GALNT18: variants seen among roughly 807,000 people sequenced by gnomAD.
GALNT18 encodes polypeptide N-acetylgalactosaminyltransferase 18.
Under a neutral mutation model 69.5 loss-of-function variants are expected in GALNT18, and 44 were observed. That is an observed-to-expected ratio of 0.63 (90% confidence interval 0.50 to 0.81). The LOEUF (loss-of-function observed/expected upper bound fraction) is 0.81, where lower values mean the gene tolerates loss of function less well. Among genes scored for constraint, GALNT18 ranks in the 40% least tolerant of loss-of-function variants. The pLI, the probability that GALNT18 is intolerant of heterozygous loss-of-function variation, is 0.00. For missense variants in GALNT18, 715 were observed against 810.0 expected (o/e 0.88, Z 1.42); for synonymous variants, 364 against 318.2 (o/e 1.14, Z -1.53).
At position 11,567,350 on chromosome 11, in the gene GALNT18, C is replaced by T. The variant is rs1034360778; in HGVS notation, c.235+54009G>A. 2.0e-5 allele frequency among the ~76,000 whole-genome samples: 3 copies of T among 152,156 alleles called. No individual in the cohort carries two copies. In the East Asian group the frequency reaches 5.8e-4, roughly 29 times the overall value. On this transcript the variant is annotated intron_variant, in intron 1 of 10. Coordinates refer to ENST00000227756, the MANE Select transcript of GALNT18 (RefSeq NM_198516.3). ...TCAATACCATCAAAAATACTAACACCTCCATTAAAGAAGGCATCCATTGAT... is the reference window on the plus strand; with the variant it reads ...TCAATACCATCAAAAATACTAACACTTCCATTAAAGAAGGCATCCATTGAT...
At chr11:11,449,910 A>G (rs1332641108) in intron 1 of GALNT18, among the ~76,000 whole-genome samples, 1 of 152,256 alleles carries the variant, frequency 6.6e-6, no homozygotes, top group Non-Finnish European at 1.5e-5. Context: ...GCCAATGGCA[A>G]TTAGGGTTAT....
intron 1 of GALNT18, among the ~76,000 whole-genome samples, chr11:11,565,503 T>A (rs183538625): frequency 6.6e-6 from 1 of 152,152 alleles, no homozygotes; most frequent in East Asian, 1.9e-4. Context: ...GTGCCCCAAA[T>A]GCAAGCACTG....
chr11:11,569,881 C>A (rs1480517272), intron 1 of GALNT18, among the ~76,000 whole-genome samples: 1 of 152,034 alleles, frequency 6.6e-6, no homozygotes, highest in Non-Finnish European at 1.5e-5. Context: ...GAGAGAGAGG[C>A]CAGTCCATGG....
At chr11:11,486,680 T>C (rs990272358) in intron 1 of GALNT18, among the ~76,000 whole-genome samples, 2 of 152,242 alleles carry the variant, frequency 1.3e-5, no homozygotes, top group African/African-American at 4.8e-5. Context: ...CCCTGCCTTT[T>C]CTCTGACTTC....
intron 6 of GALNT18, chr11:11,352,202 T>G (rs780032514): frequency 1.2e-6 from 2 of 1,613,644 alleles, no homozygotes; most frequent in African/African-American, 2.7e-5. Flanking sequence ...GGTGGTCATA[T>G]CGCAGCAGTT....
chr11:11,329,402 G>A (rs886150594), intron 8 of GALNT18, among the ~76,000 whole-genome samples: 3 of 152,116 alleles, frequency 2.0e-5, no homozygotes, highest in African/African-American at 7.2e-5. Context: ...AAGGATGAAG[G>A]AACTGTGGTG....
chr11:11,379,054 C>T (rs1476267424), intron 4 of GALNT18, 27 bp downstream of exon 4: 2 of 1,546,732 alleles, frequency 1.3e-6, no homozygotes, highest in Non-Finnish European at 1.7e-6. Flanking sequence ...CACTGGGACT[C>T]CTCCTCCTCT....
chr11:11,394,380 G>T (rs1854272080), intron 3 of GALNT18, among the ~76,000 whole-genome samples: 1 of 152,148 alleles, frequency 6.6e-6, no homozygotes, highest in African/African-American at 2.4e-5. Flanking sequence ...ATTTGGGAGA[G>T]GAGGTTGGAT....
At chr11:11,574,039 G>A (rs1042414581) in intron 1 of GALNT18, among the ~76,000 whole-genome samples, 2 of 152,134 alleles carry the variant, frequency 1.3e-5, no homozygotes, top group African/African-American at 4.8e-5. Flanking sequence ...CTTTCCACAT[G>A]ACACTGTAGC....
chr11:11,281,233 C>T (rs1341204136), intron 10 of GALNT18, among the ~76,000 whole-genome samples: 4 of 152,130 alleles, frequency 2.6e-5, no homozygotes, highest in South Asian at 4.1e-4. Context: ...GCTGAGGACA[C>T]AGCTGCTTTC....
At chr11:11,569,589 A>G (rs900377780) in intron 1 of GALNT18, among the ~76,000 whole-genome samples, 1 of 152,184 alleles carries the variant, frequency 6.6e-6, no homozygotes, top group Non-Finnish European at 1.5e-5. Flanking sequence ...CCCATATTCT[A>G]TCATAGGAGA....
At chr11:11,531,659 A>G (rs28662044) in intron 1 of GALNT18, among the ~76,000 whole-genome samples, 45,851 of 152,046 alleles carry the variant, frequency 0.3, 7,780 homozygotes, top group African/African-American at 0.42. Context: ...TGTATCTTGC[A>G]CCAGGCAGCA....
At chr11:11,310,355 G>T (rs959580916) in intron 9 of GALNT18, among the ~76,000 whole-genome samples, 1 of 152,186 alleles carries the variant, frequency 6.6e-6, no homozygotes, top group Non-Finnish European at 1.5e-5. Flanking sequence ...TAATTTAGTT[G>T]TTCCTTTGTT....
At chr11:11,293,230 C>T (rs201537431) in intron 9 of GALNT18, 37 bp from the exon 10 acceptor site, 5 of 1,311,152 alleles carry the variant, frequency 3.8e-6, no homozygotes, top group African/African-American at 1.5e-5. Flanking sequence ...TGGATAAATG[C>T]CAATGGCCAC....
chr11:11,448,660 C>G, intron 2 of GALNT18, 84 bp downstream of exon 2: 4 of 1,164,482 alleles, frequency 3.4e-6, no homozygotes, highest in Non-Finnish European at 4.7e-6. Flanking sequence ...TCCAGGCGCC[C>G]AGTCCTGCTC....
At position 11,582,250 on chromosome 11, in the gene GALNT18, A is replaced by C. The variant is rs1358048957; in HGVS notation, c.235+39109T>G. Among the ~76,000 whole-genome samples the C allele has an allele frequency of 2.0e-5, 3 of 152,236 alleles. No homozygotes were observed. The highest frequency in any genetic ancestry group is 2.0e-4 in the Admixed American group (3 of 15,288). On this transcript the variant is annotated intron_variant, in intron 1 of 10. Transcript: ENST00000227756. The surrounding 1 kb of genome is among the most constrained non-coding windows in gnomAD (Gnocchi z 5.0). The stretch of plus-strand genomic sequence containing the variant: ...TGAGAACAGCACAAGCTGATGGGTC[A>C]GAGCAGAATGAGAGGCTTCAGAGAG...
At position 11,341,281 on chromosome 11, in the gene GALNT18, C is replaced by A. The variant is rs1850202308; in HGVS notation, c.1093-277G>T. On this transcript the variant is annotated intron_variant, in intron 6 of 10. Coordinates refer to ENST00000227756, the MANE Select transcript of GALNT18 (RefSeq NM_198516.3). The surrounding 1 kb of genome is among the most constrained non-coding windows in gnomAD (Gnocchi z 6.3). ...TTCCCTCCACCTGTGAGCCCTACCC[C>A]ACCAAAAAAAGAGACCAGACATTTT... is the stretch of plus-strand genomic sequence containing the variant. Among the ~76,000 whole-genome samples, 1 of 152,116 alleles carries A rather than the reference C, an allele frequency of 6.6e-6. No individual in the cohort carries two copies. Among genetic ancestry groups the A allele is most frequent in the African/African-American group, 2.4e-5 (1 of 41,412 alleles).
intron 1 of GALNT18, among the ~76,000 whole-genome samples, chr11:11,466,917 C>T (rs1293878146): frequency 2.0e-5 from 3 of 152,170 alleles, no homozygotes; most frequent in African/African-American, 7.2e-5. Flanking sequence ...TGAAAGGACC[C>T]ATTACTTGGC....
At chr11:11,609,459 C>A (rs563275196) in intron 1 of GALNT18, among the ~76,000 whole-genome samples, 1 of 152,214 alleles carries the variant, frequency 6.6e-6, no homozygotes, top group Non-Finnish European at 1.5e-5. Flanking sequence ...TATAGCAGAG[C>A]CCCTGACCAC....
Sources: allele counts gnomAD v4.1 joint callset (sites outside exome capture counted in the v4.1 genomes callset), GRCh38; gene constraint gnomAD v4.1.1; non-coding constraint Gnocchi (gnomAD v3.1); transcripts MANE v1.5; gene names NCBI Gene and HGNC (gene_info 2026-07-23, HGNC 2026-07-21).